Variants in NINL observed in about 807,000 individuals in gnomAD.
NINL encodes the protein ninein-like protein.
NINL carries 153 observed loss-of-function variants against 160.3 expected under a neutral mutation model. The ratio of observed to expected loss-of-function variants is 0.95; its 90% confidence interval spans 0.84 to 1.09. The LOEUF (loss-of-function observed/expected upper bound fraction) is 1.09. Among genes scored for constraint, NINL ranks in the 50% least tolerant of loss-of-function variants. The pLI is 0.00. For synonymous variants in NINL, 800 were observed against 734.8 expected, an observed-to-expected ratio of 1.09 and a Z score of -1.43; for missense variants, 1,829 against 1,764.0, an observed-to-expected ratio of 1.04 and a Z score of -0.66.
At chr20:25,492,513 G>A (rs996193385) in intron 10 of NINL, among the ~76,000 whole-genome samples, 6 of 151,826 alleles carry the variant, frequency 4.0e-5, no homozygotes, top group African/African-American at 7.3e-5. Context: ...GTGCAGTGGC[G>A]GGATCTCAGC....
chr20:25,539,137 C>G (rs1162742271), intron 1 of NINL, among the ~76,000 whole-genome samples: 3 of 152,224 alleles, frequency 2.0e-5, no homozygotes, highest in African/African-American at 4.8e-5. Flanking sequence ...TTCCCTGCAG[C>G]ACAGTTGTGT....
chr20:25,473,436 T>C (rs2146473133), intron 17 of NINL, among the ~76,000 whole-genome samples: 1 of 146,220 alleles, frequency 6.8e-6, no homozygotes, highest in Admixed American at 6.8e-5. Context: ...GGCAAAATAG[T>C]GAGAGACTAT....
chr20:25,524,548 G>A (rs2064321436), intron 2 of NINL, among the ~76,000 whole-genome samples: 1 of 152,150 alleles, frequency 6.6e-6, no homozygotes, highest in Non-Finnish European at 1.5e-5. Context: ...ACACACATAT[G>A]AGAAGCCTCA....
chr20:25,475,994 G>C (rs144242902), intron 17 of NINL, 49 bp downstream of exon 17: 4 of 1,565,730 alleles, frequency 2.6e-6, no homozygotes, highest in Non-Finnish European at 3.5e-6. Context: ...GGTTAGTTCT[G>C]CATTTTTAGT....
chr20:25,579,528 G>A (rs1347496441), intron 1 of NINL, among the ~76,000 whole-genome samples: 2 of 152,106 alleles, frequency 1.3e-5, no homozygotes, highest in African/African-American at 4.8e-5. Flanking sequence ...CAGCCCCCAC[G>A]GACCAGGCAC....
At chr20:25,584,917 G>C (rs1188716748) in intron 1 of NINL, among the ~76,000 whole-genome samples, 1 of 152,240 alleles carries the variant, frequency 6.6e-6, no homozygotes, top group Non-Finnish European at 1.5e-5. Flanking sequence ...GATAAAATTC[G>C]CAACAGACTT....
intron 21 of NINL, among the ~76,000 whole-genome samples, chr20:25,459,633 G>A (rs448396): frequency 0.45 from 68,940 of 151,828 alleles, 16,254 homozygotes; most frequent in East Asian, 0.92. Flanking sequence ...GCTCTGGCCC[G>A]GCACCCCAAC....
chr20:25,482,000 C>A lies in NINL; in HGVS notation c.1778G>T (p.Arg593Leu). 1.9e-6 allele frequency: 3 copies of A among 1,598,290 alleles called. No individual in the cohort carries two copies. The highest frequency in any genetic ancestry group is 2.5e-6 in the Non-Finnish European group (3 of 1,179,498). Residue 593 changes from arginine to leucine, a missense_variant, in exon 14 of 24, where the codon CGC (arginine) becomes CTC (leucine). By Grantham distance (102) the Arg-to-Leu change is moderately radical. Transcript: ENST00000278886. ...RHSPSWSPDGRRRQLPGLGPA... is the reference protein window; with the variant it reads ...RHSPSWSPDGLRRQLPGLGPA... Reference sequence around the variant, plus strand: ...GCCGAGTCCAGGGAGCTGCCGTCTGCGCCCATCCGGGCTCCATGAGGGGCT... The same window carrying A: ...GCCGAGTCCAGGGAGCTGCCGTCTGAGCCCATCCGGGCTCCATGAGGGGCT...
At chr20:25,538,351 G>A (rs1014875138) in intron 1 of NINL, among the ~76,000 whole-genome samples, 8 of 152,186 alleles carry the variant, frequency 5.3e-5, no homozygotes, top group Admixed American at 3.3e-4. Flanking sequence ...GGACCACCAC[G>A]GAAGGGAGGA....
In NINL at chr20:25,501,015, A is replaced by G. The variant is rs370033580; in HGVS notation, c.862-5T>C. The G allele has an allele frequency of 1.4e-5, 22 of 1,613,354 alleles. 1 individual carries two copies. The South Asian group carries it at 2.0e-4, about 15-fold the overall frequency. ...GCAGCCGCTCTCCTCTGGGACCTGC[A>G]TGTCAGGAAGACTTCCATAGCGCCC... On this transcript the variant is annotated splice_polypyrimidine_tract_variant and splice_region_variant and intron_variant, in intron 7 of 23. Coordinates refer to ENST00000278886, the MANE Select transcript of NINL (RefSeq NM_025176.6).
Position 25,504,053 on chromosome 20 carries a change from T to G in NINL, c.760A>C (p.Ser254Arg). Reference protein sequence around the residue: ...KLDQDGDGKVSLEEFQLGLFS... With the variant: ...KLDQDGDGKVRLEEFQLGLFS... ...AGGCCAAGCTGGAATTCCTCAAGAC[T>G]CACTTTGCCGTCTCCGTCTTGATCC... The change falls in exon 7 of 24, where the codon AGT becomes CGT. Residue 254 changes from serine (S) to arginine (R), a missense_variant. Coordinates refer to ENST00000278886, the MANE Select transcript of NINL (RefSeq NM_025176.6). The G allele has an allele frequency of 6.2e-7, 1 of 1,608,206 alleles. No individual in the cohort carries two copies. The highest frequency in any genetic ancestry group is 1.1e-5 in the South Asian group (1 of 90,018).
chr20:25,548,806 C>T (rs1243981447), intron 1 of NINL, among the ~76,000 whole-genome samples: 1 of 146,928 alleles, frequency 6.8e-6, no homozygotes, highest in Non-Finnish European at 1.5e-5. Flanking sequence ...TCACCCAAGG[C>T]TGGCCCCAGC....
intron 5 of NINL, among the ~76,000 whole-genome samples, chr20:25,509,299 A>G (rs2064023317): frequency 6.6e-6 from 1 of 151,948 alleles, no homozygotes; most frequent in Admixed American, 6.6e-5. Flanking sequence ...GCCCAGACGC[A>G]TCAGTGACGC....
At chr20:25,481,314 G>C (rs914742566) in intron 14 of NINL, among the ~76,000 whole-genome samples, 1 of 152,104 alleles carries the variant, frequency 6.6e-6, no homozygotes, top group African/African-American at 2.4e-5. Context: ...TGCTGCTATT[G>C]AGTGGGCAGA....
intron 1 of NINL, among the ~76,000 whole-genome samples, chr20:25,548,931 C>G (rs2064773430): frequency 2.0e-5 from 3 of 148,106 alleles, no homozygotes; most frequent in Admixed American, 6.7e-5. Context: ...ACGGCCACAC[C>G]TCCCACACCC....
intron 5 of NINL, among the ~76,000 whole-genome samples, chr20:25,505,896 G>A (rs61026543): frequency 6.6e-6 from 1 of 152,350 alleles, no homozygotes; most frequent in African/African-American, 2.4e-5. Flanking sequence ...AAATCTTGGG[G>A]GAAAATATCT....
At chr20:25,495,242 C>A (rs1052986763) in intron 10 of NINL, among the ~76,000 whole-genome samples, 3 of 152,232 alleles carry the variant, frequency 2.0e-5, no homozygotes, top group South Asian at 2.1e-4. Context: ...CTTCAGCCCG[C>A]AGTGCAGCTG....
intron 1 of NINL, 93 bp from the exon 2 acceptor site, chr20:25,526,691 C>T: frequency 7.6e-7 from 1 of 1,322,566 alleles, no homozygotes; most frequent in Non-Finnish European, 1.0e-6. Flanking sequence ...GCTACATGGT[C>T]CAAGCAGACG....
intron 1 of NINL, among the ~76,000 whole-genome samples, chr20:25,528,932 T>A (rs908827358): frequency 2.6e-5 from 4 of 152,214 alleles, no homozygotes; most frequent in Admixed American, 1.3e-4. Flanking sequence ...TAAATGCCAG[T>A]TCTATATAGA....
Sources: allele counts gnomAD v4.1 joint callset (sites outside exome capture counted in the v4.1 genomes callset), GRCh38; gene constraint gnomAD v4.1.1; transcripts MANE v1.5; gene names NCBI Gene and HGNC (gene_info 2026-07-23, HGNC 2026-07-21).